Variants in KANK2 observed in about 807,000 individuals in gnomAD.
KANK2 encodes KN motif and ankyrin repeat domains 2.
In KANK2, 41 loss-of-function variants were observed where a neutral mutation model predicts 74.6. The observed-to-expected ratio is 0.55, with a 90% CI of 0.43 to 0.71. The LOEUF (loss-of-function observed/expected upper bound fraction) is 0.71. KANK2 is among the 30% of genes least tolerant of loss of function. KANK2 has a pLI of 0.00. For missense variants in KANK2, 1,148 were observed against 1,196.4 expected (o/e 0.96, Z 0.60); for synonymous variants, 537 against 519.0 (o/e 1.03, Z -0.47).
In KANK2 at chr19:11,166,513, G is replaced by A; in HGVS notation, c.*45C>T. On this transcript the variant is annotated 3_prime_UTR_variant, in exon 13 of 13. Transcript: ENST00000586659. ...GGGAACAGGGAGGAGACGGGGACAA[G>A]GGACGGTTTGCTCCCGGTCTGGCTG... 2 of 1,570,490 alleles carry A rather than the reference G, an allele frequency of 1.3e-6. No individual in the cohort carries two copies. The highest frequency in any genetic ancestry group is 8.8e-7 in the Non-Finnish European group (1 of 1,140,400).
Position 11,175,288 on chromosome 19 carries a change from C to T in KANK2, c.1849-596G>A, listed in dbSNP as rs148963343. On this transcript the variant is annotated intron_variant, in intron 8 of 12. Coordinates refer to ENST00000586659, the MANE Select transcript of KANK2 (RefSeq NM_001136191.3). ...CTCAAAATACAAAAAATTAGCCAGA[C>T]GTGGTGGCACATGCCTATAGTCCCA... Among the ~76,000 whole-genome samples the T allele has an allele frequency of 5.9e-3, 902 of 151,750 alleles. 10 individuals carry two copies. Among genetic ancestry groups the T allele is most frequent in the African/African-American group, 0.021 (862 of 41,412 alleles).
At chr19:11,194,758 T>TCC (rs71164165) in intron 2 of KANK2, 168 bp from the exon 3 acceptor site, 17 of 297,398 alleles carry the variant, frequency 5.7e-5, no homozygotes, top group Non-Finnish European at 7.8e-5. Context: ...CCCGACCCCC[T>TCC]CCCCCCCGCA....
Position 11,166,607 on chromosome 19 carries a change from G to A in KANK2, c.2507C>T (p.Ala836Val). The change falls in exon 13 of 13, where the codon GCC (alanine) becomes GTC (valine). Residue 836 changes from alanine (A) to valine (V), a missense_variant. Physicochemically the swap from Ala to Val is moderately conservative, Grantham distance 64. Transcript: ENST00000586659. ...AGGGCTCTCGTCATCTGACATTGGG[G>A]CAAACTGAAACAGAGAAGCAGAATT... is the stretch of plus-strand genomic sequence containing the variant. Reference protein sequence around the residue: ...YSRMNIKCSFAPMSDDESPTS... With the variant: ...YSRMNIKCSFVPMSDDESPTS... 6.2e-7 allele frequency: 1 copy of A among 1,614,118 alleles called. No individual in the cohort carries two copies. The highest frequency in any genetic ancestry group is 1.1e-5 in the South Asian group (1 of 91,080).
intron 9 of KANK2, among the ~76,000 whole-genome samples, chr19:11,174,038 G>T (rs924509701): frequency 6.6e-6 from 1 of 151,506 alleles, no homozygotes; most frequent in Non-Finnish European, 1.5e-5. Flanking sequence ...ATATCAAACT[G>T]GGAAAGTCAC....
At chr19:11,169,766 A>G in intron 12 of KANK2, 111 bp downstream of exon 12, 1 of 895,964 alleles carries the variant, frequency 1.1e-6, no homozygotes, top group South Asian at 1.6e-5. Context: ...GTGCCACCGC[A>G]CTCCACCCTG....
At chr19:11,168,792 A>T (rs924268324) in intron 12 of KANK2, among the ~76,000 whole-genome samples, 8 of 152,190 alleles carry the variant, frequency 5.3e-5, no homozygotes, top group Admixed American at 3.9e-4. Flanking sequence ...ATGACCATGC[A>T]GCCTCTCTGT....
At position 11,194,340 on chromosome 19, in the gene KANK2, C is replaced by G. The variant is rs74596534; in HGVS notation, c.37+135G>C. The stretch of plus-strand genomic sequence containing the variant: ...CTTCAGACCCTCCCAGGGCAGGACT[C>G]TGCCTCCTCCCTCAGACCTCTAATT... On this transcript the variant is annotated intron_variant, in intron 3 of 12. Transcript: ENST00000586659. The G allele has an allele frequency of 3.7e-3, 2,641 of 723,070 alleles. 40 individuals carry two copies. In the African/African-American group the frequency reaches 0.042, roughly 11 times the overall value. The allele number at this position is 723,070 out of a possible 1,614,324, so 44.8% of individuals were successfully genotyped here.
chr19:11,176,108 C>A (rs560349885), intron 7 of KANK2, 119 bp from the exon 8 acceptor site: 2 of 693,184 alleles, frequency 2.9e-6, no homozygotes, highest in Admixed American at 2.5e-5. Flanking sequence ...GCATCTCAGA[C>A]CCTCCTTCAC....
chr19:11,186,836 A>G (rs1319600952), intron 4 of KANK2, among the ~76,000 whole-genome samples: 1 of 152,242 alleles, frequency 6.6e-6, no homozygotes, highest in Non-Finnish European at 1.5e-5. Flanking sequence ...ATCAGACAGG[A>G]CTTGGAGTGA....
rs1016037512 is a variant in KANK2, at chr19:11,178,536, G to A, written c.1417+17C>T. On this transcript the variant is annotated intron_variant, in intron 5 of 12. Transcript: ENST00000586659. ...ATCCCGGTGCCCCGTCCCTCTTGGC[G>A]GCCACCCACCACTTACCGGTGCCCC... The A allele has an allele frequency of 1.0e-5, 16 of 1,602,306 alleles. No individual in the cohort carries two copies. Among genetic ancestry groups the A allele is most frequent in the African/African-American group, 5.4e-5 (4 of 74,132 alleles).
chr19:11,183,909 G>A lies in KANK2; in HGVS notation c.1250-5189C>T, dbSNP rs568023903. On this transcript the variant is annotated intron_variant, in intron 4 of 12. Coordinates refer to ENST00000586659, the MANE Select transcript of KANK2 (RefSeq NM_001136191.3). ...CAATTTTTGTATTTTTTGTAGAGAT[G>A]GGGGTCTTACTATGTTACCTAGGCT... is the stretch of plus-strand genomic sequence containing the variant. 3.1e-4 allele frequency among the ~76,000 whole-genome samples: 47 copies of A among 152,054 alleles called. No individual in the cohort carries two copies. The South Asian group carries it at 4.4e-3, about 14-fold the overall frequency.
At chr19:11,192,795 C>G (rs750346928) in intron 4 of KANK2, 36 bp downstream of exon 4, 15 of 1,537,216 alleles carry the variant, frequency 9.8e-6, no homozygotes, top group Non-Finnish European at 1.3e-5. Flanking sequence ...CCCCCCCCCC[C>G]AAGCCATTCT....
intron 4 of KANK2, 25 bp from the exon 5 acceptor site, chr19:11,178,745 TG>T: frequency 6.7e-7 from 1 of 1,496,114 alleles, no homozygotes; most frequent in Non-Finnish European, 8.9e-7. Flanking sequence ...AATGAGTGTC[TG>T]CTCTTGGTCA....
intron 9 of KANK2, among the ~76,000 whole-genome samples, chr19:11,174,048 C>G (rs2078257942): frequency 6.6e-6 from 1 of 150,990 alleles, no homozygotes; most frequent in South Asian, 2.1e-4. Context: ...GGGAAAGTCA[C>G]ATTTCCCCCA....
At chr19:11,172,027 G>A (rs1326242178) in intron 10 of KANK2, among the ~76,000 whole-genome samples, 5 of 147,852 alleles carry the variant, frequency 3.4e-5, no homozygotes, top group Non-Finnish European at 7.4e-5. Context: ...CCAGGCTGGA[G>A]GACAGTGGTG....
rs762081613 is a variant in KANK2, at chr19:11,176,642, G to T, written c.1696C>A (p.Arg566=). 1.7e-5 allele frequency: 27 copies of T among 1,613,394 alleles called. No individual in the cohort carries two copies. The highest frequency in any genetic ancestry group is 2.3e-5 in the Non-Finnish European group (27 of 1,179,738). The part of the protein sequence containing the change: ...KTSRQECQLS[R]ESQHIPTAEG... ...GCAGTGGGTATGTGCTGAGATTCTC[G>T]AGACAGCTGACACTCCTGCCGGCTG... Residue 566 remains arginine, a synonymous_variant, in exon 7 of 13, where the codon CGA becomes AGA. Coordinates refer to ENST00000586659, the MANE Select transcript of KANK2 (RefSeq NM_001136191.3).
chr19:11,164,832 C>G lies in KANK2; in HGVS notation c.*1726G>C, dbSNP rs1471014393. ...TCCCTTCACTAAAAATCAAAGCAAG[C>G]CAGTCTACATCAAGCCAAGAAACCT... On this transcript the variant is annotated 3_prime_UTR_variant, in exon 13 of 13. Transcript: ENST00000586659. 6.6e-6 allele frequency: 1 copy of G among 152,086 alleles called. No homozygotes were observed. The highest frequency in any genetic ancestry group is 2.4e-5 in the African/African-American group (1 of 41,410). The allele number at this position is 152,086 out of a possible 1,614,324, so 9.4% of individuals were successfully genotyped here.
chr19:11,181,059 C>A (rs1008531617), intron 4 of KANK2, among the ~76,000 whole-genome samples: 1 of 123,828 alleles, frequency 8.1e-6, no homozygotes, highest in African/African-American at 3.2e-5. Context: ...TGCACTCCAG[C>A]CTGGGGGATA....
intron 4 of KANK2, among the ~76,000 whole-genome samples, chr19:11,182,582 G>A (rs1028956985): frequency 2.7e-5 from 4 of 149,606 alleles, no homozygotes; most frequent in Non-Finnish European, 5.9e-5. Context: ...GGTGGCTCAC[G>A]ATTGTAACCC....
Sources: allele counts gnomAD v4.1 joint callset (sites outside exome capture counted in the v4.1 genomes callset), GRCh38; gene constraint gnomAD v4.1.1; transcripts MANE v1.5; gene names NCBI Gene and HGNC (gene_info 2026-07-23, HGNC 2026-07-21).